The following FXN variants were observed in gnomAD, a reference collection of about 807,000 sequenced individuals.
FXN encodes the protein frataxin, mitochondrial.
In FXN, 14 loss-of-function variants were observed where a neutral mutation model predicts 22.4. The ratio of observed to expected loss-of-function variants is 0.62; its 90% CI spans 0.41 to 0.98. The LOEUF (loss-of-function observed/expected upper bound fraction) is 0.98, where lower values mean the gene tolerates loss of function less well. Ranked by LOEUF, FXN falls within the 50% of genes least tolerant of loss-of-function variation. FXN has a pLI of 0.00. For synonymous variants in FXN, 120 were observed against 114.1 expected, an observed-to-expected ratio of 1.05 and a Z score of -0.33; for missense variants, 267 against 268.4, an observed-to-expected ratio of 0.99 and a Z score of 0.04.
chr9:69,049,508 T>C (rs1377032105), intron 2 of FXN, among the ~76,000 whole-genome samples: 6 of 152,220 alleles, frequency 3.9e-5, no homozygotes, highest in African/African-American at 1.4e-4. Context: ...CAGCCCCTGG[T>C]GTCTTACTTT....
chr9:69,076,693 C>A lies in FXN; in HGVS notation c.*3931C>A. 2 of 985,284 alleles carry A rather than the reference C, an allele frequency of 2.0e-6. No individual in the cohort carries two copies. Among genetic ancestry groups the A allele is most frequent in the Non-Finnish European group, 2.4e-6 (2 of 829,910 alleles). 61.0% of individuals were successfully genotyped at this position (985,284 alleles called of 1,614,324 possible). On this transcript the variant is annotated 3_prime_UTR_variant, in exon 5 of 5. Transcript: ENST00000484259. ...GTGTGGACTAACCATGCAAGGTTGC[C>A]AAGGAAAAATCGCTTTACGCTTCCA...
intron 3 of FXN, among the ~76,000 whole-genome samples, chr9:69,055,352 T>G (rs1831937185): frequency 1.3e-5 from 2 of 152,150 alleles, no homozygotes; most frequent in Admixed American, 6.5e-5. Flanking sequence ...AGACATTGAT[T>G]AGCAAGCTAC....
chr9:69,058,487 T>C (rs1436506708), intron 3 of FXN, among the ~76,000 whole-genome samples: 1 of 152,076 alleles, frequency 6.6e-6, no homozygotes, highest in Non-Finnish European at 1.5e-5. Context: ...GGTGTCAGCA[T>C]ATTACTGTCT....
chr9:69,067,629 C>A lies in FXN; in HGVS notation c.482+2594C>A, dbSNP rs560730344. 5.9e-5 allele frequency among the ~76,000 whole-genome samples: 9 copies of A among 152,256 alleles called. No individual in the cohort carries two copies. The East Asian group carries it at 1.3e-3, about 23-fold the overall frequency. On this transcript the variant is annotated intron_variant, in intron 4 of 4. Coordinates refer to ENST00000484259, the MANE Select transcript of FXN (RefSeq NM_000144.5). ...AGCCTCAAAACAACAACAACAACAACAAAAACATGAAATTATCAACAATAA... is the reference window on the plus strand; with the variant it reads ...AGCCTCAAAACAACAACAACAACAAAAAAAACATGAAATTATCAACAATAA...
rs577409632 is a variant in FXN, at chr9:69,060,239, T to C, written c.385-4699T>C. On this transcript the variant is annotated intron_variant, in intron 3 of 4. Transcript: ENST00000484259. Reference sequence around the variant, plus strand: ...CAAAAAAATTAGCTGGGCGTGGTGGTGGGCGCCTGTAGTCCCAGCTACTCG... The same window carrying C: ...CAAAAAAATTAGCTGGGCGTGGTGGCGGGCGCCTGTAGTCCCAGCTACTCG... Among the ~76,000 whole-genome samples, 29 of 151,996 alleles carry C rather than the reference T, an allele frequency of 1.9e-4. No individual in the cohort carries two copies. In the South Asian group the frequency reaches 4.2e-3, roughly 22 times the overall value.
At chr9:69,044,142 C>T (rs866027078) in intron 1 of FXN, among the ~76,000 whole-genome samples, 1 of 152,262 alleles carries the variant, frequency 6.6e-6, no homozygotes, top group South Asian at 2.1e-4. Context: ...GGTACCTAGC[C>T]TTGTATTTCT....
intron 4 of FXN, among the ~76,000 whole-genome samples, chr9:69,065,376 A>C (rs935624858): frequency 6.6e-6 from 1 of 152,156 alleles, no homozygotes; most frequent in Non-Finnish European, 1.5e-5. Context: ...CCCCACCTCT[A>C]CTAAAAATAT....
chr9:69,073,326 C>T lies in FXN; in HGVS notation c.*564C>T. The T allele has an allele frequency of 1.0e-6, 1 of 996,686 alleles. No individual in the cohort carries two copies. The highest frequency in any genetic ancestry group is 1.2e-6 in the Non-Finnish European group (1 of 836,288). 61.7% of individuals were successfully genotyped at this position (996,686 alleles called of 1,614,324 possible). The stretch of plus-strand genomic sequence containing the variant: ...ATCATTTCTTATTTGTGCTCTGTGA[C>T]TGCCAAGGTGTGGCCTGCACTGGGT... On this transcript the variant is annotated 3_prime_UTR_variant, in exon 5 of 5. Transcript: ENST00000484259.
intron 3 of FXN, among the ~76,000 whole-genome samples, 192 bp downstream of exon 3, chr9:69,053,452 CAG>C (rs1831892278): frequency 6.6e-6 from 1 of 150,778 alleles, no homozygotes; most frequent in South Asian, 2.1e-4. Context: ...GCCTGGGTGA[CAG>C]AGCGAGACTC....
rs990690469 is a variant in FXN at position 69,076,630 on chromosome 9, C to T, written c.*3868C>T. Reference sequence around the variant, plus strand: ...CAAATTCTGACAGATGCTTTTGCCACCTCTAAAGGAAGACCCATGTTCATA... The same window carrying T: ...CAAATTCTGACAGATGCTTTTGCCATCTCTAAAGGAAGACCCATGTTCATA... On this transcript the variant is annotated 3_prime_UTR_variant, in exon 5 of 5. Transcript: ENST00000484259. 17 of 985,334 alleles carry T rather than the reference C, an allele frequency of 1.7e-5. No homozygotes were observed. In the African/African-American group the frequency reaches 2.8e-4, roughly 16 times the overall value. 61.0% of individuals were successfully genotyped at this position (985,334 alleles called of 1,614,324 possible).
At chr9:69,046,535 C>T in intron 2 of FXN, 53 bp downstream of exon 2, 1 of 1,274,274 alleles carries the variant, frequency 7.8e-7, no homozygotes, top group Non-Finnish European at 1.1e-6. Flanking sequence ...CCTTCCCTGC[C>T]TCTCCCATTA....
At chr9:69,062,982 G>A (rs1265780022) in intron 3 of FXN, among the ~76,000 whole-genome samples, 2 of 151,950 alleles carry the variant, frequency 1.3e-5, no homozygotes, top group African/African-American at 2.4e-5. Flanking sequence ...AGGATCACTT[G>A]AGGCCAGAAG....
chr9:69,059,747 G>A (rs969015680), intron 3 of FXN, among the ~76,000 whole-genome samples: 1 of 152,002 alleles, frequency 6.6e-6, no homozygotes, highest in Admixed American at 6.6e-5. Flanking sequence ...CAAAGGATCT[G>A]GCTTAGCATC....
chr9:69,073,422 A>G lies in FXN; in HGVS notation c.*660A>G. 1 of 985,298 alleles carries G rather than the reference A, an allele frequency of 1.0e-6. No homozygotes were observed. Among genetic ancestry groups the G allele is most frequent in the South Asian group, 4.7e-5 (1 of 21,280 alleles). The allele number at this position is 985,298 out of a possible 1,614,324, so 61.0% of individuals were successfully genotyped here. ...TGTCTGTGTGTATATATATTTTTTC[A>G]ATTTAAAGGTTAGTATGGAATCAGC... On this transcript the variant is annotated 3_prime_UTR_variant, in exon 5 of 5. Transcript: ENST00000484259.
Position 69,035,950 on chromosome 9 carries a change from A to G in FXN, c.165+3A>G, listed in dbSNP as rs1162678888. 2.7e-6 allele frequency: 4 copies of G among 1,462,448 alleles called. No homozygotes were observed. The highest frequency in any genetic ancestry group is 1.5e-5 in the African/African-American group (1 of 67,760). The allele number at this position is 1,462,448 out of a possible 1,614,324, so 90.6% of individuals were successfully genotyped here. On this transcript the variant is annotated splice_donor_region_variant and intron_variant, in intron 1 of 4. Transcript: ENST00000484259. ...CGACCTGCACGCCCCGCCGCGCAGT[A>G]AGTATCCGCGCCGGGAACAGCCGCG... is the stretch of plus-strand genomic sequence containing the variant.
At position 69,073,147 on chromosome 9, in the gene FXN, G is replaced by T. The variant is rs1832304463; in HGVS notation, c.*385G>T. On this transcript the variant is annotated 3_prime_UTR_variant, in exon 5 of 5. Coordinates refer to ENST00000484259, the MANE Select transcript of FXN (RefSeq NM_000144.5). ...TTCTTTGAAGGATTTACTGCAAGAAGTACATGAAGAGCAGCTGGTCAACCT... is the reference window on the plus strand; with the variant it reads ...TTCTTTGAAGGATTTACTGCAAGAATTACATGAAGAGCAGCTGGTCAACCT... The T allele has an allele frequency of 8.9e-7, 1 of 1,117,358 alleles. No individual in the cohort carries two copies. Among genetic ancestry groups the T allele is most frequent in the Admixed American group, 4.7e-5 (1 of 21,322 alleles). The allele number at this position is 1,117,358 out of a possible 1,614,324, so 69.2% of individuals were successfully genotyped here.
chr9:69,065,551 A>AAAAT (rs1255547363), intron 4 of FXN, among the ~76,000 whole-genome samples: 1 of 151,628 alleles, frequency 6.6e-6, no homozygotes, highest in Non-Finnish European at 1.5e-5. Flanking sequence ...AAAAAAAAAA[A>AAAAT]AAAAGTCATC....
chr9:69,075,725 T>G lies in FXN; in HGVS notation c.*2963T>G, dbSNP rs1002427289. On this transcript the variant is annotated 3_prime_UTR_variant, in exon 5 of 5. Coordinates refer to ENST00000484259, the MANE Select transcript of FXN (RefSeq NM_000144.5). The stretch of plus-strand genomic sequence containing the variant: ...ATTGCATAATACAATCTTAGAAAAC[T>G]TTTTTTTCCCCTTTCTATTTTTTGA... The G allele has an allele frequency of 1.8e-5, 18 of 980,162 alleles. No homozygotes were observed. In the Admixed American group the frequency reaches 4.3e-4, roughly 23 times the overall value. The allele number at this position is 980,162 out of a possible 1,614,324, so 60.7% of individuals were successfully genotyped here. A position where few individuals can be genotyped will look rare whatever the true frequency, so the allele number is the denominator to read the frequency against.
chr9:69,067,264 C>CG (rs1832184568), intron 4 of FXN, among the ~76,000 whole-genome samples: 1 of 152,220 alleles, frequency 6.6e-6, no homozygotes, highest in Non-Finnish European at 1.5e-5. Flanking sequence ...TGCGGGGTTC[C>CG]GGGGGAGCAG....
Sources: gnomAD v4.1 joint callset for allele counts (sites outside exome capture counted in the v4.1 genomes callset) on GRCh38, gnomAD v4.1.1 for gene constraint, MANE v1.5 for transcripts, NCBI Gene and HGNC (gene_info 2026-07-23, HGNC 2026-07-21) for gene names.